C3orf20: variants seen among roughly 807,000 people sequenced by gnomAD.
The protein encoded by C3orf20 is uncharacterized protein C3orf20.
A neutral mutation model predicts 88.3 loss-of-function variants in C3orf20; 76 were observed. The ratio of observed to expected loss-of-function variants is 0.86; its 90% CI spans 0.72 to 1.04. The LOEUF is 1.04. Among genes scored for constraint, C3orf20 ranks in the 50% least tolerant of loss-of-function variants. The pLI is 0.00. For synonymous variants in C3orf20, 436 were observed against 437.4 expected, an observed-to-expected ratio of 1.00 and a Z score of 0.04; for missense variants, 1,056 against 1,123.3, an observed-to-expected ratio of 0.94 and a Z score of 0.86.
At chr3:14,753,755 T>C (rs1234139210) in intron 12 of C3orf20, among the ~76,000 whole-genome samples, 2 of 152,244 alleles carry the variant, frequency 1.3e-5, no homozygotes, top group Non-Finnish European at 2.9e-5. Context: ...GTTTGTTATT[T>C]AGTTACTTCT....
At chr3:14,712,473 A>G (rs1343446870) in intron 7 of C3orf20, among the ~76,000 whole-genome samples, 5 of 152,182 alleles carry the variant, frequency 3.3e-5, no homozygotes, top group Non-Finnish European at 5.9e-5. Context: ...AAACTAATTT[A>G]CCTGTGTATT....
At position 14,772,619 on chromosome 3, in the gene C3orf20, G is replaced by A. The variant is rs1469307694; in HGVS notation, c.2631-172G>A. The stretch of plus-strand genomic sequence containing the variant: ...CATGAAGATAGAAAAGCAAAATTAG[G>A]AGCATGTAGAAAGGTCGCAGGTGCC... On this transcript the variant is annotated intron_variant, in intron 16 of 16. Coordinates refer to ENST00000253697, the MANE Select transcript of C3orf20 (RefSeq NM_032137.5). This position sits in a 1 kb window ranked among gnomAD's most constrained non-coding sequence, Gnocchi z 4.2. 6.6e-6 allele frequency among the ~76,000 whole-genome samples: 1 copy of A among 152,224 alleles called. No homozygotes were observed. The highest frequency in any genetic ancestry group is 1.5e-5 in the Non-Finnish European group (1 of 68,036).
intron 12 of C3orf20, among the ~76,000 whole-genome samples, chr3:14,753,732 G>GTAGTTTGTAGCTGTTTGTTA (rs2035283148): frequency 6.6e-6 from 1 of 152,076 alleles, no homozygotes; most frequent in African/African-American, 2.4e-5. Flanking sequence ...GCTGCTTGTT[G>GTAGTTTGTAGCTGTTTGTTA]TAGTTTGTAG....
chr3:14,711,992 A>G (rs1184815317), intron 7 of C3orf20, among the ~76,000 whole-genome samples: 1 of 151,878 alleles, frequency 6.6e-6, no homozygotes, highest in East Asian at 1.9e-4. Context: ...TCTTGGTATA[A>G]TGGGTTAAAT....
In C3orf20 at chr3:14,689,869, G is replaced by A. The variant is rs1273323108; in HGVS notation, c.626-128G>A. 4 of 1,232,036 alleles carry A rather than the reference G, an allele frequency of 3.2e-6. No homozygotes were observed. The Admixed American group carries it at 6.3e-5, about 19-fold the overall frequency. The allele number at this position is 1,232,036 out of a possible 1,614,324, so 76.3% of individuals were successfully genotyped here. A position where few individuals can be genotyped will look rare whatever the true frequency, so the allele number is the denominator to read the frequency against. ...TCTTCTTCCAAGATCTAGGTGTTTT[G>A]TAACAATGCGGCACTTTACAGTATG... On this transcript the variant is annotated intron_variant, in intron 4 of 16. Coordinates refer to ENST00000253697, the MANE Select transcript of C3orf20 (RefSeq NM_032137.5).
At chr3:14,695,368 G>A (rs565106539) in intron 5 of C3orf20, among the ~76,000 whole-genome samples, 2 of 146,350 alleles carry the variant, frequency 1.4e-5, no homozygotes, top group African/African-American at 5.0e-5. Context: ...GTTATTTCAG[G>A]TTTTTTTTTT....
At chr3:14,693,927 T>A (rs549669715) in intron 5 of C3orf20, among the ~76,000 whole-genome samples, 9 of 152,350 alleles carry the variant, frequency 5.9e-5, no homozygotes, top group Non-Finnish European at 1.0e-4. Context: ...TCAAATGCTT[T>A]TCCAGTATCA....
At chr3:14,695,716 C>A (rs1182001570) in intron 5 of C3orf20, among the ~76,000 whole-genome samples, 1 of 152,132 alleles carries the variant, frequency 6.6e-6, no homozygotes, top group Non-Finnish European at 1.5e-5. Context: ...TATCTTCTTG[C>A]TGAATTGACT....
rs1315813145 is a variant in C3orf20 at position 14,768,737 on chromosome 3, A to G, written c.2496-3330A>G. 6.6e-6 allele frequency among the ~76,000 whole-genome samples: 1 copy of G among 151,982 alleles called. No individual in the cohort carries two copies. Among genetic ancestry groups the G allele is most frequent in the African/African-American group, 2.4e-5 (1 of 41,296 alleles). On this transcript the variant is annotated intron_variant, in intron 15 of 16. Transcript: ENST00000253697. This position sits in a 1 kb window ranked among gnomAD's most constrained non-coding sequence, Gnocchi z 4.1. ...GGCTCAGAAATAGTGGGCTAGCCGC[A>G]ATACCATGGGGAGGTGGGCTCCACA...
intron 6 of C3orf20, among the ~76,000 whole-genome samples, chr3:14,704,038 C>A (rs112967973): frequency 2.6e-5 from 4 of 152,138 alleles, no homozygotes; most frequent in African/African-American, 9.7e-5. Context: ...CTGGGGTGAG[C>A]AAGGTCTTCA....
intron 12 of C3orf20, among the ~76,000 whole-genome samples, chr3:14,731,354 C>T (rs1356706043): frequency 6.6e-6 from 1 of 152,268 alleles, no homozygotes; most frequent in East Asian, 1.9e-4. Context: ...TGTTCTGTCT[C>T]AGGGGGCCCC....
Position 14,761,516 on chromosome 3 carries a change from A to T in C3orf20, c.2396A>T (p.Asn799Ile). The change falls in exon 15 of 17, where the codon AAT (asparagine) becomes ATT (isoleucine). Residue 799 changes from asparagine to isoleucine, a missense_variant. Asn to Ile is a moderately radical substitution (Grantham distance 149). Coordinates refer to ENST00000253697, the MANE Select transcript of C3orf20 (RefSeq NM_032137.5). ...GKLIFGGRVL[N>I]GYGLSKQNLL... ...CTCATTTTTGGGGGCCGTGTTTTGA[A>T]TGGATATGGCCTCAGCAAGCAGAAT... 6.2e-7 allele frequency: 1 copy of T among 1,613,908 alleles called. No individual in the cohort carries two copies. The highest frequency in any genetic ancestry group is 8.5e-7 in the Non-Finnish European group (1 of 1,179,982).
At chr3:14,749,436 A>G (rs537688678) in intron 12 of C3orf20, among the ~76,000 whole-genome samples, 6 of 152,336 alleles carry the variant, frequency 3.9e-5, no homozygotes, top group African/African-American at 1.2e-4. Context: ...CAGCCTACCA[A>G]GTAGCTGGAA....
At chr3:14,718,320 C>A (rs536137870) in intron 9 of C3orf20, among the ~76,000 whole-genome samples, 1 of 97,054 alleles carries the variant, frequency 1.0e-5, no homozygotes, top group African/African-American at 3.7e-5. Flanking sequence ...CTCCATTCTA[C>A]TATTATGATA....
At chr3:14,703,077 G>A in intron 5 of C3orf20, 53 bp from the exon 6 acceptor site, 1 of 1,600,346 alleles carries the variant, frequency 6.2e-7, no homozygotes, top group Non-Finnish European at 8.6e-7. Context: ...GATGCAAAAG[G>A]TGGGTTCCCA....
At position 14,745,684 on chromosome 3, in the gene C3orf20, G is replaced by A. The variant is rs137885668; in HGVS notation, c.1941-11687G>A. ...GTCATGTGCATTTATAATTTTAAGA[G>A]ATAGTGTCAAATTAATCACCATAAG... On this transcript the variant is annotated intron_variant, in intron 12 of 16. Transcript: ENST00000253697. 3.9e-3 allele frequency among the ~76,000 whole-genome samples: 590 copies of A among 152,310 alleles called. 3 individuals carry two copies. Among genetic ancestry groups the A allele is most frequent in the African/African-American group, 0.013 (561 of 41,564 alleles).
intron 6 of C3orf20, among the ~76,000 whole-genome samples, chr3:14,703,827 C>G (rs764394261): frequency 6.6e-6 from 1 of 152,206 alleles, no homozygotes; most frequent in South Asian, 2.1e-4. Flanking sequence ...GGCCATCCCA[C>G]AAGCCCTAGC....
intron 12 of C3orf20, among the ~76,000 whole-genome samples, chr3:14,736,739 A>G (rs375584941): frequency 5.4e-5 from 8 of 148,934 alleles, no homozygotes; most frequent in East Asian, 2.0e-4. Context: ...GCTAATTTTC[A>G]TATTTTTAAT....
intron 15 of C3orf20, among the ~76,000 whole-genome samples, chr3:14,764,617 G>A (rs578022184): frequency 1.3e-5 from 2 of 152,128 alleles, no homozygotes; most frequent in South Asian, 4.2e-4. Flanking sequence ...CTGTCATACA[G>A]TTACAGTCAG....
Sources: gnomAD v4.1 joint callset for allele counts (sites outside exome capture counted in the v4.1 genomes callset) on GRCh38, gnomAD v4.1.1 for gene constraint, Gnocchi (gnomAD v3.1) non-coding constraint, MANE v1.5 for transcripts, NCBI Gene and HGNC (gene_info 2026-07-23, HGNC 2026-07-21) for gene names.